The following SOX5 variants were observed in gnomAD, a reference collection of about 807,000 sequenced individuals.
SOX5 encodes transcription factor SOX-5.
Under a neutral mutation model 92.0 loss-of-function variants are expected in SOX5, and 9 were observed. The observed-to-expected ratio is 0.10, with a 90% confidence interval of 0.06 to 0.17. The LOEUF (loss-of-function observed/expected upper bound fraction) is 0.17. Among genes scored for constraint, SOX5 ranks in the 10% least tolerant of loss-of-function variants. SOX5 has a pLI of 1.00. For synonymous variants in SOX5, 344 were observed against 336.3 expected (o/e 1.02, Z -0.25); for missense variants, 642 against 944.5 (o/e 0.68, Z 4.20).
At chr12:23,553,970 G>A (rs1944675824) in intron 11 of SOX5, among the ~76,000 whole-genome samples, 1 of 152,044 alleles carries the variant, frequency 6.6e-6, no homozygotes, top group South Asian at 2.1e-4. Context: ...AATATAATCT[G>A]ACCATTTTAA....
chr12:24,247,707 G>A (rs1939148554), intron 3 of SOX5, among the ~76,000 whole-genome samples: 1 of 149,650 alleles, frequency 6.7e-6, no homozygotes, highest in Non-Finnish European at 1.5e-5. Flanking sequence ...CTGGAGTGCA[G>A]GGGTGCAGTC....
chr12:23,723,366 GA>G (rs1567232996), intron 6 of SOX5, among the ~76,000 whole-genome samples: 1 of 151,306 alleles, frequency 6.6e-6, no homozygotes, highest in Admixed American at 6.6e-5. Flanking sequence ...AAAAGAAAAA[GA>G]AAAAAAGTTA....
At chr12:24,561,916 G>T (rs993020179) in intron 1 of SOX5, among the ~76,000 whole-genome samples, 3 of 152,174 alleles carry the variant, frequency 2.0e-5, no homozygotes, top group Non-Finnish European at 2.9e-5. Flanking sequence ...CACAGCCCAG[G>T]GTTCTCCCCG....
At chr12:23,871,180 C>A (rs1162595755) in intron 2 of SOX5, among the ~76,000 whole-genome samples, 1 of 152,094 alleles carries the variant, frequency 6.6e-6, no homozygotes, top group Non-Finnish European at 1.5e-5. Context: ...ATCTCAATTA[C>A]AAATAATCAA....
chr12:24,274,352 T>C (rs940320567), intron 3 of SOX5, among the ~76,000 whole-genome samples: 2 of 152,210 alleles, frequency 1.3e-5, no homozygotes, highest in African/African-American at 2.4e-5. Flanking sequence ...GAAACTTCAA[T>C]CATTTATAAA....
intron 3 of SOX5, among the ~76,000 whole-genome samples, chr12:23,831,957 T>TACACGCACACAC (rs367953254): frequency 7.0e-6 from 1 of 142,732 alleles, no homozygotes; most frequent in African/African-American, 2.7e-5. Flanking sequence ...AAAGGGGAAC[T>TACACGCACACAC]ACACACACAC....
chr12:24,415,351 C>T (rs1964844095), intron 1 of SOX5, among the ~76,000 whole-genome samples: 1 of 152,142 alleles, frequency 6.6e-6, no homozygotes, highest in Non-Finnish European at 1.5e-5. Context: ...AGCCATGGTA[C>T]CACTGTGGAG....
At chr12:23,778,287 A>C (rs944652533) in intron 3 of SOX5, among the ~76,000 whole-genome samples, 1 of 152,222 alleles carries the variant, frequency 6.6e-6, no homozygotes, top group African/African-American at 2.4e-5. Context: ...AGTTGCTATT[A>C]TTTTCTAAAA....
chr12:24,497,863 G>A (rs1597326674), intron 1 of SOX5, among the ~76,000 whole-genome samples: 1 of 152,212 alleles, frequency 6.6e-6, no homozygotes, highest in African/African-American at 2.4e-5. Flanking sequence ...GGCATACTAT[G>A]CAGCCATAAA....
At chr12:24,453,298 TA>T (rs55654946) in intron 1 of SOX5, among the ~76,000 whole-genome samples, 30,451 of 151,476 alleles carry the variant, frequency 0.2, 3,168 homozygotes, top group Middle Eastern at 0.26. Context: ...TTTGAAATAA[TA>T]AAAAAAAATC....
At chr12:24,292,732 T>C (rs1026863941) in intron 2 of SOX5, among the ~76,000 whole-genome samples, 4 of 152,274 alleles carry the variant, frequency 2.6e-5, no homozygotes, top group Non-Finnish European at 5.9e-5. Context: ...CAAGGCCATG[T>C]AATATTCTCA....
intron 3 of SOX5, among the ~76,000 whole-genome samples, chr12:24,233,777 T>C (rs1021517648): frequency 6.6e-6 from 1 of 152,226 alleles, no homozygotes; most frequent in Non-Finnish European, 1.5e-5. Context: ...CCTATGTGCA[T>C]ATTTGGCATT....
chr12:23,819,143 T>G (rs2096058090), intron 3 of SOX5, among the ~76,000 whole-genome samples: 1 of 152,224 alleles, frequency 6.6e-6, no homozygotes, highest in South Asian at 2.1e-4. Flanking sequence ...TGTGCTATAC[T>G]TCCAAATGAC....
intron 2 of SOX5, among the ~76,000 whole-genome samples, chr12:24,317,257 A>G (rs763560237): frequency 5.9e-5 from 9 of 152,242 alleles, no homozygotes; most frequent in African/African-American, 7.2e-5. Context: ...GCATTGGATG[A>G]AAAGATTCAG....
chr12:23,688,756 C>CAAT (rs1279828956), intron 6 of SOX5, among the ~76,000 whole-genome samples: 2 of 152,006 alleles, frequency 1.3e-5, no homozygotes, highest in Non-Finnish European at 2.9e-5. Context: ...AATATGTCCA[C>CAAT]AATAATGTAA....
At chr12:23,732,867 T>A (rs1342829632) in intron 6 of SOX5, among the ~76,000 whole-genome samples, 1 of 152,208 alleles carries the variant, frequency 6.6e-6, no homozygotes, top group Non-Finnish European at 1.5e-5. Flanking sequence ...ATACAGTTCC[T>A]ATAGTCTTAG....
chr12:23,962,897 C>A (rs140429924), intron 4 of SOX5, among the ~76,000 whole-genome samples: 3 of 152,004 alleles, frequency 2.0e-5, no homozygotes, highest in Middle Eastern at 3.4e-3. Flanking sequence ...TCATAAGCAA[C>A]CCGAACATTT....
chr12:23,788,199 G>C (rs2095414321), intron 3 of SOX5, among the ~76,000 whole-genome samples: 1 of 151,894 alleles, frequency 6.6e-6, no homozygotes. Context: ...GGCAGAAAAA[G>C]AAGGACTTGG....
chr12:23,936,883 C>T (rs1022950319), intron 1 of SOX5, among the ~76,000 whole-genome samples: 11 of 150,812 alleles, frequency 7.3e-5, no homozygotes, highest in Admixed American at 1.3e-4. Context: ...AAAGCCAGTG[C>T]GTATTTTATA....
Sources: allele counts gnomAD v4.1 joint callset (sites outside exome capture counted in the v4.1 genomes callset), GRCh38; gene constraint gnomAD v4.1.1; transcripts MANE v1.5; gene names NCBI Gene and HGNC (gene_info 2026-07-23, HGNC 2026-07-21).